PSPC1: variants seen among roughly 807,000 people sequenced by gnomAD.
The protein encoded by PSPC1 is paraspeckle component 1.
A neutral mutation model predicts 51.6 loss-of-function variants in PSPC1; 14 were observed. The ratio of observed to expected loss-of-function variants is 0.27; its 90% CI spans 0.18 to 0.42. The LOEUF is 0.42. Among genes scored for constraint, PSPC1 ranks in the 10% least tolerant of loss-of-function variants. The probability of loss-of-function intolerance (pLI) is 1.00; values close to 1 mark genes in which losing one functional copy is unlikely to be tolerated. For synonymous variants in PSPC1, 193 were observed against 231.9 expected (o/e 0.83, Z 1.53); for missense variants, 406 against 701.1 (o/e 0.58, Z 4.75).
At chr13:19,778,930 G>A (rs1481949662) in intron 1 of PSPC1, among the ~76,000 whole-genome samples, 3 of 132,702 alleles carry the variant, frequency 2.3e-5, no homozygotes, top group Admixed American at 7.7e-5. Flanking sequence ...AGTGAGGAGC[G>A]CCTCTTCCCA....
intron 6 of PSPC1, among the ~76,000 whole-genome samples, chr13:19,711,654 A>AAG (rs1555232015): frequency 6.7e-5 from 10 of 149,904 alleles, no homozygotes; most frequent in African/African-American, 2.4e-4. Context: ...AAAAAAAAAA[A>AAG]AAAAAAAGAA....
intron 6 of PSPC1, among the ~76,000 whole-genome samples, chr13:19,719,386 CTT>C: frequency 6.6e-6 from 1 of 152,266 alleles, no homozygotes; most frequent in South Asian, 2.1e-4. Flanking sequence ...CCAGGCTGGA[CTT>C]ATACTCACTG....
At chr13:19,733,456 G>A (rs1248387170) in intron 5 of PSPC1, among the ~76,000 whole-genome samples, 1 of 151,912 alleles carries the variant, frequency 6.6e-6, no homozygotes, top group African/African-American at 2.4e-5. Flanking sequence ...CTCTCTCCAC[G>A]AAAAATAGAA....
intron 4 of PSPC1, among the ~76,000 whole-genome samples, chr13:19,742,527 T>C (rs575545714): frequency 2.6e-5 from 4 of 151,918 alleles, no homozygotes; most frequent in African/African-American, 9.7e-5. Context: ...TCACCTGAGG[T>C]TGGGAGTTCG....
chr13:19,671,209 A>T, downstream of PSPC1: 2 of 1,613,770 alleles, frequency 1.2e-6, no homozygotes, highest in Non-Finnish European at 1.7e-6. Context: ...ATTGTAGGAC[A>T]GTCATTTTGT....
chr13:19,755,017 G>C lies in PSPC1; in HGVS notation c.771-3550C>G, dbSNP rs557796604. On this transcript the variant is annotated intron_variant, in intron 3 of 8. Transcript: ENST00000338910. ...AGAGGCCAATGCAGGCAGATCGCTT[G>C]AGCCCAGGAGTTCGAGACCACGCTG... is the stretch of plus-strand genomic sequence containing the variant. Among the ~76,000 whole-genome samples, 8 of 152,202 alleles carry C rather than the reference G, an allele frequency of 5.3e-5. No homozygotes were observed. The South Asian group carries it at 1.7e-3, about 32-fold the overall frequency.
chr13:19,757,699 G>C (rs547661507), intron 3 of PSPC1, among the ~76,000 whole-genome samples: 89 of 152,272 alleles, frequency 5.8e-4, no homozygotes, highest in African/African-American at 2.1e-3. Flanking sequence ...CAAAAACTCT[G>C]TAACAGGGCC....
intron 3 of PSPC1, among the ~76,000 whole-genome samples, chr13:19,755,272 T>C (rs1320317955): frequency 6.7e-6 from 1 of 150,292 alleles, no homozygotes; most frequent in African/African-American, 2.4e-5. Flanking sequence ...GAAAGAGAAA[T>C]AGCATTGCAA....
chr13:19,690,178 C>A (rs1878386734), intron 6 of PSPC1, among the ~76,000 whole-genome samples: 1 of 152,196 alleles, frequency 6.6e-6, no homozygotes, highest in Non-Finnish European at 1.5e-5. Context: ...TAGTCCCCTT[C>A]ATCACATATA....
chr13:19,728,593 A>T (rs1883660673), intron 6 of PSPC1, among the ~76,000 whole-genome samples: 1 of 152,150 alleles, frequency 6.6e-6, no homozygotes, highest in South Asian at 2.1e-4. Context: ...TTTCCTATTA[A>T]TATACTCCCA....
At chr13:19,779,762 C>T (rs1283514191) in intron 1 of PSPC1, among the ~76,000 whole-genome samples, 41 of 87,902 alleles carry the variant, frequency 4.7e-4, no homozygotes, top group Non-Finnish European at 9.0e-4. Flanking sequence ...CCCAGCCAGC[C>T]GGCCCGTCTG....
At chr13:19,716,850 A>G (rs1882151774) in intron 6 of PSPC1, among the ~76,000 whole-genome samples, 1 of 152,222 alleles carries the variant, frequency 6.6e-6, no homozygotes, top group African/African-American at 2.4e-5. Flanking sequence ...GTTACATAAC[A>G]GAACAATAAG....
rs1197481955 is a variant in PSPC1 at position 19,689,189 on chromosome 13, C to T, written c.1159-11366G>A. The stretch of plus-strand genomic sequence containing the variant: ...AGGTCTGAAGGGTACAGTTCTGCTC[C>T]GGCTGCTCTAGACAGCAGCCAGTTC... On this transcript the variant is annotated intron_variant and NMD_transcript_variant, in intron 6 of 7. Transcript: ENST00000471658. Among the ~76,000 whole-genome samples the T allele has an allele frequency of 2.6e-5, 4 of 152,268 alleles. No homozygotes were observed. In the South Asian group the frequency reaches 6.2e-4, roughly 24 times the overall value.
intron 1 of PSPC1, among the ~76,000 whole-genome samples, chr13:19,779,360 T>G (rs1489009691): frequency 3.5e-5 from 3 of 86,354 alleles, no homozygotes; most frequent in South Asian, 5.7e-4. Flanking sequence ...CGGCCAGCCG[T>G]GCCGTCCGGG....
intron 7 of PSPC1, among the ~76,000 whole-genome samples, chr13:19,707,410 G>A (rs896215583): frequency 4.6e-5 from 7 of 152,224 alleles, no homozygotes; most frequent in Middle Eastern, 3.4e-3. Context: ...TGTAGGTTTC[G>A]TTTGGTTATA....
downstream of PSPC1, chr13:19,671,244 TCCCAATAAAC>T: frequency 6.2e-7 from 1 of 1,614,106 alleles, no homozygotes; most frequent in Non-Finnish European, 8.5e-7. Flanking sequence ...CTGTTGCAGG[TCCCAATAAAC>T]TCTTCATAAG....
chr13:19,730,401 AT>A, intron 5 of PSPC1, 57 bp from the exon 6 acceptor site: 1 of 1,432,744 alleles, frequency 7.0e-7, no homozygotes, highest in Non-Finnish European at 9.8e-7. Flanking sequence ...GCCATTGGAC[AT>A]TTTACTTCAT....
chr13:19,722,499 T>C (rs1274142443), intron 6 of PSPC1, among the ~76,000 whole-genome samples: 1 of 151,658 alleles, frequency 6.6e-6, no homozygotes, highest in African/African-American at 2.4e-5. Context: ...GAGCCTGTCT[T>C]AAAAAAATTT....
At chr13:19,742,145 T>C (rs73166995) in intron 4 of PSPC1, among the ~76,000 whole-genome samples, 4,845 of 150,832 alleles carry the variant, frequency 0.032, 89 homozygotes, top group Middle Eastern at 0.078. Flanking sequence ...AACAAGTTCA[T>C]TGTTAGGGGA....
Sources: gnomAD v4.1 joint callset for allele counts (sites outside exome capture counted in the v4.1 genomes callset) on GRCh38, gnomAD v4.1.1 for gene constraint, MANE v1.5 for transcripts, NCBI Gene and HGNC (gene_info 2026-07-23, HGNC 2026-07-21) for gene names.